TBXAS1: variants seen among roughly 807,000 people sequenced by gnomAD.
TBXAS1 encodes thromboxane-A synthase.
A neutral mutation model predicts 60.7 loss-of-function variants in TBXAS1; 48 were observed. The observed-to-expected ratio is 0.79, with a 90% confidence interval of 0.63 to 1.01. The LOEUF (loss-of-function observed/expected upper bound fraction) is 1.01, where lower values mean the gene tolerates loss of function less well. Among genes scored for constraint, TBXAS1 ranks in the 50% least tolerant of loss-of-function variants. The pLI is 0.00. For synonymous variants in TBXAS1, 287 were observed against 269.7 expected (o/e 1.06, Z -0.63); for missense variants, 685 against 686.3 (o/e 1.00, Z 0.02).
At chr7:139,915,025 C>T (rs902098161) in intron 4 of TBXAS1, among the ~76,000 whole-genome samples, 2 of 152,024 alleles carry the variant, frequency 1.3e-5, no homozygotes, top group Non-Finnish European at 2.9e-5. Flanking sequence ...TTCACAAACA[C>T]GTAAAAAGAC....
chr7:139,964,737 T>C (rs1197526164), intron 9 of TBXAS1, among the ~76,000 whole-genome samples: 1 of 152,228 alleles, frequency 6.6e-6, no homozygotes, highest in Non-Finnish European at 1.5e-5. Flanking sequence ...TGAGAAGCAA[T>C]GTTATGTCTA....
chr7:139,953,323 C>A (rs1284777982), intron 5 of TBXAS1, 45 bp from the exon 6 acceptor site: 3 of 1,525,458 alleles, frequency 2.0e-6, no homozygotes, highest in Non-Finnish European at 2.7e-6. Flanking sequence ...TTTAGGTGTA[C>A]TCCCGGCATG....
chr7:139,875,532 T>C, intron 2 of TBXAS1, 53 bp from the exon 3 acceptor site: 1 of 1,482,612 alleles, frequency 6.7e-7, no homozygotes. Flanking sequence ...TAAGTTTGAA[T>C]AATTGGAATT....
chr7:139,827,248 T>A (rs1355614875), upstream of TBXAS1, among the ~76,000 whole-genome samples: 1 of 152,146 alleles, frequency 6.6e-6, no homozygotes, highest in Non-Finnish European at 1.5e-5. Flanking sequence ...CTAAGACCTG[T>A]GGGGGCACAG....
Position 139,913,340 on chromosome 7 carries a change from G to A in TBXAS1, c.333+2019G>A, listed in dbSNP as rs1584838173. 8 of 559,422 alleles carry A rather than the reference G, an allele frequency of 1.4e-5. No homozygotes were observed. In the East Asian group the frequency reaches 2.0e-4, roughly 14 times the overall value. 34.7% of individuals were successfully genotyped at this position (559,422 alleles called of 1,614,324 possible). A position where few individuals can be genotyped will look rare whatever the true frequency, so the allele number is the denominator to read the frequency against. On this transcript the variant is annotated intron_variant, in intron 4 of 12. Transcript: ENST00000448866. The stretch of plus-strand genomic sequence containing the variant: ...TCCATCAGCCTCAGCAAGGAGTGCT[G>A]ATTAAAGAAGTTGGAGAAGCCAATA...
intron 5 of TBXAS1, chr7:139,952,743 C>CA (rs1809515893): frequency 2.7e-6 from 4 of 1,467,294 alleles, no homozygotes; most frequent in Non-Finnish European, 3.6e-6. Flanking sequence ...AAAAGAAACC[C>CA]AACAATTGCC....
chr7:139,977,852 T>C (rs1448926227), intron 9 of TBXAS1, among the ~76,000 whole-genome samples: 1 of 152,266 alleles, frequency 6.6e-6, no homozygotes, highest in East Asian at 1.9e-4. Flanking sequence ...ATAATTTTTA[T>C]GTGTTAAACA....
rs1813314161 is a variant in TBXAS1, at chr7:139,996,606, A to G, written c.1135-10485A>G. On this transcript the variant is annotated intron_variant, in intron 9 of 12. Transcript: ENST00000448866. The stretch of plus-strand genomic sequence containing the variant: ...CTTTCTGTGTTTCTCTCAGCCACTT[A>G]GGAATGAAACCAGGGAATCCCTTTC... 1.3e-5 allele frequency among the ~76,000 whole-genome samples: 2 copies of G among 152,212 alleles called. 1 individual carries two copies. The highest frequency in any genetic ancestry group is 2.9e-5 in the Non-Finnish European group (2 of 68,038).
chr7:139,892,604 AAACAAC>A (rs765241109), intron 3 of TBXAS1, among the ~76,000 whole-genome samples: 1 of 152,030 alleles, frequency 6.6e-6, no homozygotes, highest in African/African-American at 2.4e-5. Flanking sequence ...GAAACAAAAC[AAACAAC>A]AACAACAACA....
intron 3 of TBXAS1, among the ~76,000 whole-genome samples, chr7:139,894,474 C>G (rs1033582892): frequency 2.0e-5 from 3 of 152,070 alleles, no homozygotes; most frequent in African/African-American, 7.2e-5. Flanking sequence ...CAGGGACCAA[C>G]CAAGCATATT....
rs1325554018 is a variant in TBXAS1, at chr7:140,013,934, A to AC, written c.1227-1786dup. On this transcript the variant is annotated intron_variant, in intron 10 of 12. Transcript: ENST00000448866. This position sits in a 1 kb window ranked among gnomAD's most constrained non-coding sequence, Gnocchi z 4.2. ...CGTCCCCGATTCATGGCCTCACTTC[A>AC]CCCACTGATTGCCCTTGACTTTGAG... 2.6e-5 allele frequency among the ~76,000 whole-genome samples: 4 copies of AC among 151,906 alleles called. No homozygotes were observed. The highest frequency in any genetic ancestry group is 5.9e-5 in the Non-Finnish European group (4 of 67,992).
In TBXAS1 at chr7:139,933,167, A is replaced by T. The variant is rs147507410; in HGVS notation, c.334-3024A>T. ...CTAATGGAATTTCCAGGCCCAAGTG[A>T]GCACAGTGTCATGGCATGCTGGTGA... On this transcript the variant is annotated intron_variant, in intron 4 of 12. Transcript: ENST00000448866. 5.3e-5 allele frequency among the ~76,000 whole-genome samples: 8 copies of T among 152,336 alleles called. No individual in the cohort carries two copies. The East Asian group carries it at 1.5e-3, about 29-fold the overall frequency.
At chr7:139,853,499 T>C (rs1417937791) in intron 1 of TBXAS1, among the ~76,000 whole-genome samples, 1 of 152,164 alleles carries the variant, frequency 6.6e-6, no homozygotes, top group African/African-American at 2.4e-5. Flanking sequence ...ACGGAGATAA[T>C]AATAACAGCA....
intron 1 of TBXAS1, among the ~76,000 whole-genome samples, chr7:139,871,738 G>T (rs550454297): frequency 6.6e-6 from 1 of 152,138 alleles, no homozygotes; most frequent in South Asian, 2.1e-4. Context: ...ACTATTCTCT[G>T]TAAGGCCAGG....
rs141227466 is a variant in TBXAS1 at position 139,978,233 on chromosome 7, G to T, written c.1134+16000G>T. On this transcript the variant is annotated intron_variant, in intron 9 of 12. Transcript: ENST00000448866. ...TATGATAGAAATAATAAGAGGCCAGGCACCGTGGCTCACATTTGTAATCCC... is the reference window on the plus strand; with the variant it reads ...TATGATAGAAATAATAAGAGGCCAGTCACCGTGGCTCACATTTGTAATCCC... Among the ~76,000 whole-genome samples, 13 of 152,296 alleles carry T rather than the reference G, an allele frequency of 8.5e-5. No homozygotes were observed. In the East Asian group the frequency reaches 1.2e-3, roughly 14 times the overall value.
rs921907054 is a variant in TBXAS1 at position 139,971,426 on chromosome 7, C to T, written c.1134+9193C>T. ...AAGTTCCCAAAGCAGGGTGACCAATCGATCTGGATCAGGTGGCAGGGCCTC... is the reference window on the plus strand; with the variant it reads ...AAGTTCCCAAAGCAGGGTGACCAATTGATCTGGATCAGGTGGCAGGGCCTC... On this transcript the variant is annotated intron_variant, in intron 9 of 12. Transcript: ENST00000448866. Among the ~76,000 whole-genome samples the T allele has an allele frequency of 2.7e-4, 28 of 101,830 alleles. No homozygotes were observed. In the Admixed American group the frequency reaches 2.8e-3, roughly 10 times the overall value. 66.8% of individuals were successfully genotyped at this position (101,830 alleles called of 152,430 possible). A position where few individuals can be genotyped will look rare whatever the true frequency, so the allele number is the denominator to read the frequency against.
chr7:139,883,187 G>A (rs1047173126), intron 3 of TBXAS1, among the ~76,000 whole-genome samples: 3 of 152,098 alleles, frequency 2.0e-5, no homozygotes, highest in African/African-American at 4.8e-5. Context: ...AAGAGACAGA[G>A]GAATTTGATT....
At chr7:140,014,944 GAGA>G (rs1434800878) in intron 10 of TBXAS1, among the ~76,000 whole-genome samples, 6 of 150,570 alleles carry the variant, frequency 4.0e-5, no homozygotes, top group Non-Finnish European at 7.4e-5. Context: ...GGAGGAGGAG[GAGA>G]AGAAGAAGAG....
chr7:139,830,057 G>A (rs1435944356), intron 1 of TBXAS1, among the ~76,000 whole-genome samples: 1 of 152,130 alleles, frequency 6.6e-6, no homozygotes, highest in Admixed American at 6.5e-5. Flanking sequence ...TTGAGACCCT[G>A]AAAGGATCTC....
Sources: allele counts gnomAD v4.1 joint callset (sites outside exome capture counted in the v4.1 genomes callset), GRCh38; gene constraint gnomAD v4.1.1; non-coding constraint Gnocchi (gnomAD v3.1); transcripts MANE v1.5; gene names NCBI Gene and HGNC (gene_info 2026-07-23, HGNC 2026-07-21).